Variants in FRMD4A observed in about 807,000 individuals in gnomAD.
FRMD4A encodes FERM domain containing 4A.
A neutral mutation model predicts 129.1 loss-of-function variants in FRMD4A; 29 were observed. The observed-to-expected ratio is 0.22, with a 90% CI of 0.17 to 0.31. FRMD4A has a LOEUF of 0.31. FRMD4A is among the 10% of genes least tolerant of loss of function. The pLI is 1.00. For missense variants in FRMD4A, 1,272 were observed against 1,375.8 expected (o/e 0.92, Z 1.19); for synonymous variants, 634 against 571.6 (o/e 1.11, Z -1.56).
intron 2 of FRMD4A, among the ~76,000 whole-genome samples, chr10:13,864,215 C>G (rs1037441070): frequency 1.3e-5 from 2 of 151,624 alleles, no homozygotes; most frequent in Non-Finnish European, 2.9e-5. Flanking sequence ...AGGCTGGTCT[C>G]GAACTCCTGG....
chr10:13,814,532 G>C (rs979239361), intron 3 of FRMD4A, among the ~76,000 whole-genome samples: 72 of 118,448 alleles, frequency 6.1e-4, no homozygotes, highest in African/African-American at 2.1e-3. Context: ...AGTGAGCTAT[G>C]ATCATGCCAC....
intron 2 of FRMD4A, among the ~76,000 whole-genome samples, chr10:13,983,838 A>G (rs891323688): frequency 2.7e-5 from 3 of 109,252 alleles, no homozygotes; most frequent in African/African-American, 6.7e-5. Context: ...CGTCTCTACT[A>G]AAAAAAAAAA....
At chr10:14,160,057 A>G (rs1840803597) in intron 2 of FRMD4A, among the ~76,000 whole-genome samples, 1 of 152,216 alleles carries the variant, frequency 6.6e-6, no homozygotes, top group African/African-American at 2.4e-5. Flanking sequence ...CTCCAAAAAA[A>G]ATATGTACCA....
chr10:14,220,842 A>AC (rs1843234954), intron 2 of FRMD4A, among the ~76,000 whole-genome samples: 1 of 147,140 alleles, frequency 6.8e-6, no homozygotes, highest in Non-Finnish European at 1.5e-5. Flanking sequence ...GTGTGTGTTT[A>AC]CTGGGGGCTC....
intron 23 of FRMD4A, 72 bp downstream of exon 23, chr10:13,654,344 T>C (rs770071596): frequency 3.0e-6 from 3 of 986,910 alleles, no homozygotes; most frequent in Admixed American, 1.7e-5. Context: ...CATATCCTTA[T>C]GTCACCAGGA....
intron 2 of FRMD4A, among the ~76,000 whole-genome samples, chr10:14,178,121 C>T (rs764973714): frequency 6.6e-6 from 1 of 152,200 alleles, no homozygotes; most frequent in Non-Finnish European, 1.5e-5. Context: ...AAGTAATTCA[C>T]CCACACAGCA....
chr10:13,756,645 G>A (rs1374732038), intron 8 of FRMD4A, among the ~76,000 whole-genome samples: 2 of 151,960 alleles, frequency 1.3e-5, no homozygotes, highest in African/African-American at 2.4e-5. Flanking sequence ...GATTAAAGAC[G>A]TGAGCCACCA....
intron 2 of FRMD4A, among the ~76,000 whole-genome samples, chr10:13,989,326 C>T (rs754774871): frequency 5.9e-5 from 9 of 152,204 alleles, no homozygotes; most frequent in Non-Finnish European, 1.3e-4. Context: ...TATGGATGCT[C>T]AGGTGATATT....
intron 2 of FRMD4A, among the ~76,000 whole-genome samples, chr10:14,060,084 C>T (rs1465076731): frequency 6.6e-6 from 1 of 152,200 alleles, no homozygotes; most frequent in East Asian, 1.9e-4. Context: ...TAAGCAGTAG[C>T]TGGCGTTTAT....
At chr10:13,940,787 T>C (rs984535932) in intron 2 of FRMD4A, among the ~76,000 whole-genome samples, 2 of 152,214 alleles carry the variant, frequency 1.3e-5, no homozygotes, top group South Asian at 2.1e-4. Context: ...AGCCCAATAC[T>C]GTTTTCTTAT....
chr10:14,032,598 C>T (rs1041526345), intron 2 of FRMD4A, among the ~76,000 whole-genome samples: 1 of 152,210 alleles, frequency 6.6e-6, no homozygotes, highest in African/African-American at 2.4e-5. Flanking sequence ...TACGTTGCCA[C>T]CACTTCCAGT....
intron 7 of FRMD4A, among the ~76,000 whole-genome samples, chr10:13,762,235 C>G (rs2092103284): frequency 6.6e-6 from 1 of 152,068 alleles, no homozygotes; most frequent in South Asian, 2.1e-4. Context: ...TTTGCATAAC[C>G]TAAAGGGCTT....
At chr10:13,676,412 G>A (rs916903273) in intron 15 of FRMD4A, among the ~76,000 whole-genome samples, 5 of 146,806 alleles carry the variant, frequency 3.4e-5, no homozygotes, top group Admixed American at 2.1e-4. Context: ...ACAGGCACCC[G>A]CCACCACACC....
rs187333386 is a variant in FRMD4A at position 14,086,215 on chromosome 10, T to C, written c.46-227303A>G. On this transcript the variant is annotated intron_variant, in intron 2 of 24. Transcript: ENST00000357447. ...TTTAATTATCTGTTTAACTAAAGGC[T>C]AAACAGAAAGCTTATTGAGGTTTCT... Among the ~76,000 whole-genome samples, 10 of 152,328 alleles carry C rather than the reference T, an allele frequency of 6.6e-5. No homozygotes were observed. The East Asian group carries it at 9.6e-4, about 15-fold the overall frequency.
At chr10:14,068,139 C>T (rs1200296909) in intron 2 of FRMD4A, among the ~76,000 whole-genome samples, 1 of 152,206 alleles carries the variant, frequency 6.6e-6, no homozygotes, top group Non-Finnish European at 1.5e-5. Context: ...TCTTCAAACA[C>T]TAACATCTTA....
chr10:14,241,663 G>T (rs1279590606), intron 2 of FRMD4A, among the ~76,000 whole-genome samples: 2 of 112,350 alleles, frequency 1.8e-5, no homozygotes, highest in Non-Finnish European at 3.4e-5. Context: ...GCATTGGAGA[G>T]GGATTTGTTT....
intron 2 of FRMD4A, among the ~76,000 whole-genome samples, chr10:14,136,964 A>G (rs1233705335): frequency 1.3e-5 from 2 of 152,216 alleles, no homozygotes; most frequent in Admixed American, 6.5e-5. Flanking sequence ...ATTTTTGTCC[A>G]TGTCATACTG....
chr10:13,789,970 T>C (rs886692822), intron 5 of FRMD4A, among the ~76,000 whole-genome samples: 3 of 151,950 alleles, frequency 2.0e-5, no homozygotes, highest in Non-Finnish European at 4.4e-5. Context: ...TGTCTTCATA[T>C]AGGGGAGTTT....
intron 2 of FRMD4A, among the ~76,000 whole-genome samples, chr10:13,884,216 A>ACACT (rs761613618): frequency 0.056 from 7,044 of 125,386 alleles, 403 homozygotes; most frequent in Middle Eastern, 0.12. Context: ...ACTCACACAC[A>ACACT]CACACACACA....
Sources: allele counts gnomAD v4.1 joint callset (sites outside exome capture counted in the v4.1 genomes callset), GRCh38; gene constraint gnomAD v4.1.1; transcripts MANE v1.5; gene names NCBI Gene and HGNC (gene_info 2026-07-23, HGNC 2026-07-21).